Variants in NRXN3 observed in about 807,000 individuals in gnomAD.
NRXN3 encodes neurexin 3.
Under a neutral mutation model 137.6 loss-of-function variants are expected in NRXN3, and 32 were observed. The ratio of observed to expected loss-of-function variants is 0.23; its 90% CI spans 0.18 to 0.31. The LOEUF is 0.31. Ranked by LOEUF, NRXN3 falls within the 10% of genes least tolerant of loss-of-function variation. NRXN3 has a pLI of 1.00. For synonymous variants in NRXN3, 798 were observed against 784.5 expected (o/e 1.02, Z -0.29); for missense variants, 1,574 against 2,062.5 (o/e 0.76, Z 4.59).
intron 15 of NRXN3, among the ~76,000 whole-genome samples, chr14:79,040,004 C>T (rs10139460): frequency 0.43 from 65,882 of 152,048 alleles, 15,707 homozygotes; most frequent in African/African-American, 0.62. Context: ...TTTTCATTAT[C>T]TTTCTTCAGA....
chr14:79,100,278 C>T (rs1427066143), intron 15 of NRXN3, among the ~76,000 whole-genome samples: 6 of 152,206 alleles, frequency 3.9e-5, no homozygotes, highest in African/African-American at 9.7e-5. Flanking sequence ...CACATGTTCA[C>T]ATCTAGGGTA....
chr14:79,376,087 C>A (rs2153444368), intron 15 of NRXN3, among the ~76,000 whole-genome samples: 1 of 146,550 alleles, frequency 6.8e-6, no homozygotes, highest in East Asian at 2.0e-4. Context: ...TTGTTTTAGT[C>A]ATCATCATCA....
At position 79,862,106 on chromosome 14, in the gene NRXN3, C is replaced by T; in HGVS notation, c.*142C>T. The T allele has an allele frequency of 2.8e-6, 2 of 723,518 alleles. No homozygotes were observed. The highest frequency in any genetic ancestry group is 4.5e-6 in the Non-Finnish European group (2 of 442,132). 44.8% of individuals were successfully genotyped at this position (723,518 alleles called of 1,614,324 possible). On this transcript the variant is annotated 3_prime_UTR_variant, in exon 21 of 21. Transcript: ENST00000335750. ...ATAACCACGACTCTGGTGGGGAAAACCGTTTTTTAAAGGACACACACACAC... is the reference window on the plus strand; with the variant it reads ...ATAACCACGACTCTGGTGGGGAAAATCGTTTTTTAAAGGACACACACACAC...
At chr14:79,767,789 C>G (rs1249923757) in intron 19 of NRXN3, among the ~76,000 whole-genome samples, 14 of 152,178 alleles carry the variant, frequency 9.2e-5, no homozygotes, top group African/African-American at 3.1e-4. Flanking sequence ...TGAACAGGAA[C>G]AGCTCTGGTC....
At chr14:79,026,684 G>T (rs555374923) in intron 15 of NRXN3, among the ~76,000 whole-genome samples, 31 of 152,034 alleles carry the variant, frequency 2.0e-4, no homozygotes, top group African/African-American at 7.5e-4. Flanking sequence ...GTTTGTGAAG[G>T]TGTTGACCCA....
At chr14:79,459,744 A>T (rs571512584) in intron 15 of NRXN3, among the ~76,000 whole-genome samples, 77 of 152,156 alleles carry the variant, frequency 5.1e-4, no homozygotes, top group African/African-American at 1.9e-3. Context: ...ATTAGTATTA[A>T]TATTGATATT....
chr14:78,176,804 G>A (rs1270892509), intron 1 of NRXN3, among the ~76,000 whole-genome samples: 2 of 152,042 alleles, frequency 1.3e-5, no homozygotes, highest in Non-Finnish European at 2.9e-5. Flanking sequence ...TGTGGGGGCT[G>A]CCTGGGGTGC....
At chr14:79,360,657 T>G (rs1202310295) in intron 15 of NRXN3, among the ~76,000 whole-genome samples, 7 of 152,200 alleles carry the variant, frequency 4.6e-5, no homozygotes, top group Admixed American at 1.3e-4. Flanking sequence ...ATTTATTTAT[T>G]TATTCTTTAA....
intron 7 of NRXN3, among the ~76,000 whole-genome samples, chr14:78,713,871 G>C (rs1490430054): frequency 1.3e-5 from 2 of 152,140 alleles, no homozygotes; most frequent in Non-Finnish European, 2.9e-5. Flanking sequence ...TTCCCACCAG[G>C]TCTGTCCCAC....
intron 15 of NRXN3, among the ~76,000 whole-genome samples, chr14:79,001,695 A>C (rs2099541676): frequency 6.6e-6 from 1 of 152,150 alleles, no homozygotes; most frequent in Admixed American, 6.5e-5. Context: ...GCTGAGAGAC[A>C]CTCTGGCTTG....
chr14:79,787,769 G>GTA (rs1003329098), intron 19 of NRXN3, among the ~76,000 whole-genome samples: 30 of 151,986 alleles, frequency 2.0e-4, no homozygotes, highest in Admixed American at 1.4e-3. Context: ...TTGTGTGTGT[G>GTA]TATATATATA....
At chr14:78,610,554 C>T (rs1354296687) in intron 4 of NRXN3, among the ~76,000 whole-genome samples, 1 of 152,198 alleles carries the variant, frequency 6.6e-6, no homozygotes, top group Non-Finnish European at 1.5e-5. Flanking sequence ...GGGAAACACT[C>T]ACTGGTTTCT....
intron 8 of NRXN3, among the ~76,000 whole-genome samples, chr14:78,734,047 C>T (rs2098529461): frequency 6.6e-6 from 1 of 152,088 alleles, no homozygotes; most frequent in South Asian, 2.1e-4. Context: ...GCCTAAATCT[C>T]AGTCAGAATA....
rs533861235 is a variant in NRXN3 at position 78,810,323 on chromosome 14, A to T, written c.2254A>T (p.Ile752Phe). The T allele has an allele frequency of 1.5e-5, 23 of 1,505,546 alleles. No individual in the cohort carries two copies. Among genetic ancestry groups the T allele is most frequent in the Non-Finnish European group, 2.1e-5 (23 of 1,118,038 alleles). 93.3% of individuals were successfully genotyped at this position (1,505,546 alleles called of 1,614,324 possible). A position where few individuals can be genotyped will look rare whatever the true frequency, so the allele number is the denominator to read the frequency against. Residue 752 changes from isoleucine to phenylalanine, a missense_variant, in exon 10 of 21, where the codon ATC becomes TTC. Physicochemically the swap from Ile to Phe is conservative, Grantham distance 21. Transcript: ENST00000335750. Reference sequence around the variant, plus strand: ...ATTTATTTTTCCCCATCTAGACTGTATCAGGATAAACTGTAACTCCAGTAA... The same window carrying T: ...ATTTATTTTTCCCCATCTAGACTGTTTCAGGATAAACTGTAACTCCAGTAA... ...RVKLMVNLDC[I>F]RINCNSSKGP... is the part of the protein sequence containing the mutation.
intron 15 of NRXN3, among the ~76,000 whole-genome samples, chr14:79,421,930 T>G (rs1459109682): frequency 6.6e-6 from 1 of 152,222 alleles, no homozygotes; most frequent in Non-Finnish European, 1.5e-5. Context: ...GTCCTTACAC[T>G]AGTAACAAGT....
intron 4 of NRXN3, among the ~76,000 whole-genome samples, chr14:78,397,545 T>A (rs2091595151): frequency 1.3e-5 from 2 of 152,082 alleles, no homozygotes; most frequent in African/African-American, 4.8e-5. Flanking sequence ...TTATATTTTC[T>A]TTTTAGTTGC....
At chr14:78,332,315 CTTCT>C (rs1200694426) in intron 4 of NRXN3, among the ~76,000 whole-genome samples, 3 of 94,358 alleles carry the variant, frequency 3.2e-5, no homozygotes, top group South Asian at 4.7e-4. Flanking sequence ...TTCTTTTCTT[CTTCT>C]TTTTTTTTTT....
intron 20 of NRXN3, among the ~76,000 whole-genome samples, chr14:79,812,307 G>A (rs2099236953): frequency 6.6e-6 from 1 of 152,090 alleles, no homozygotes; most frequent in African/African-American, 2.4e-5. Flanking sequence ...ACTAGAATAG[G>A]TGCTGGGAAA....
chr14:79,506,210 G>A (rs1047680733), intron 16 of NRXN3, among the ~76,000 whole-genome samples: 1 of 152,166 alleles, frequency 6.6e-6, no homozygotes, highest in African/African-American at 2.4e-5. Flanking sequence ...AAGGGGAGGG[G>A]ATTTTACAAA....
Sources: gnomAD v4.1 joint callset for allele counts (sites outside exome capture counted in the v4.1 genomes callset) on GRCh38, gnomAD v4.1.1 for gene constraint, MANE v1.5 for transcripts, NCBI Gene and HGNC (gene_info 2026-07-23, HGNC 2026-07-21) for gene names.